The following FHIT variants were observed in gnomAD, a reference collection of about 807,000 sequenced individuals.
The protein encoded by FHIT is fragile histidine triad diadenosine triphosphatase.
Under a neutral mutation model 17.9 loss-of-function variants are expected in FHIT, and 19 were observed. The ratio of observed to expected loss-of-function variants is 1.06; its 90% CI spans 0.74 to 1.56. The LOEUF (loss-of-function observed/expected upper bound fraction) is 1.56, where lower values mean the gene tolerates loss of function less well. Ranked by LOEUF, FHIT falls within the 40% of genes most tolerant of loss-of-function variation. The pLI is 0.00. For synonymous variants in FHIT, 81 were observed against 69.7 expected, an observed-to-expected ratio of 1.16 and a Z score of -0.81; for missense variants, 248 against 189.2, an observed-to-expected ratio of 1.31 and a Z score of -1.82.
chr3:60,640,057 T>C (rs982554775), intron 4 of FHIT, among the ~76,000 whole-genome samples: 2 of 152,128 alleles, frequency 1.3e-5, no homozygotes, highest in Non-Finnish European at 1.5e-5. Flanking sequence ...GTTAATTCAT[T>C]AAAAATCCTA....
At chr3:60,034,489 CAATT>C (rs1559567541) in intron 5 of FHIT, among the ~76,000 whole-genome samples, 1 of 152,170 alleles carries the variant, frequency 6.6e-6, no homozygotes, top group African/African-American at 2.4e-5. Context: ...AATTTCCCAT[CAATT>C]AGAGGGGAAC....
At chr3:60,133,165 G>C (rs1184408177) in intron 5 of FHIT, among the ~76,000 whole-genome samples, 1 of 152,088 alleles carries the variant, frequency 6.6e-6, no homozygotes, top group Non-Finnish European at 1.5e-5. Flanking sequence ...AGGCTGGACA[G>C]TGAAGACATG....
intron 5 of FHIT, among the ~76,000 whole-genome samples, chr3:60,374,238 T>C (rs960270409): frequency 1.3e-5 from 2 of 152,284 alleles, no homozygotes; most frequent in African/African-American, 4.8e-5. Context: ...AATTCTTTCC[T>C]GATCATTTTA....
chr3:60,185,005 T>C (rs935168034), intron 5 of FHIT, among the ~76,000 whole-genome samples: 1 of 152,178 alleles, frequency 6.6e-6, no homozygotes, highest in Non-Finnish European at 1.5e-5. Flanking sequence ...GTCTTACTTC[T>C]TGGCACTATA....
intron 3 of FHIT, among the ~76,000 whole-genome samples, chr3:60,932,699 C>A (rs1412426552): frequency 3.3e-5 from 5 of 152,158 alleles, no homozygotes; most frequent in African/African-American, 9.7e-5. Context: ...AGTTGCTTCA[C>A]CATCTTTTTT....
chr3:59,923,401 A>T (rs986622982), intron 7 of FHIT, among the ~76,000 whole-genome samples: 1 of 152,106 alleles, frequency 6.6e-6, no homozygotes, highest in African/African-American at 2.4e-5. Context: ...ACATGCACTG[A>T]TTCTGCGAAC....
At chr3:59,757,130 G>A (rs1296222940) in intron 8 of FHIT, among the ~76,000 whole-genome samples, 1 of 152,112 alleles carries the variant, frequency 6.6e-6, no homozygotes, top group East Asian at 1.9e-4. Flanking sequence ...TTACATACTG[G>A]TTTCCTTCTG....
chr3:61,062,059 A>G (rs1215572239), intron 2 of FHIT, among the ~76,000 whole-genome samples: 3 of 152,184 alleles, frequency 2.0e-5, no homozygotes, highest in African/African-American at 7.2e-5. Flanking sequence ...AATACTATAT[A>G]TAATACTATA....
chr3:60,857,569 G>T (rs1553750295), intron 3 of FHIT, among the ~76,000 whole-genome samples: 51 of 152,026 alleles, frequency 3.4e-4, no homozygotes, highest in African/African-American at 1.2e-3. Flanking sequence ...TTGCCACAGA[G>T]TTAGCATGCA....
intron 2 of FHIT, among the ~76,000 whole-genome samples, chr3:61,157,934 G>T (rs2037578738): frequency 6.6e-6 from 1 of 152,152 alleles, no homozygotes; most frequent in Non-Finnish European, 1.5e-5. Context: ...GCACAAATTT[G>T]TAAGTTATTG....
intron 3 of FHIT, among the ~76,000 whole-genome samples, chr3:60,959,866 TCA>T (rs1323657661): frequency 6.6e-6 from 1 of 151,686 alleles, no homozygotes; most frequent in African/African-American, 2.4e-5. Flanking sequence ...AGGGCAATTT[TCA>T]TTCTCATTTC....
chr3:61,214,774 C>A (rs969284759), intron 1 of FHIT, among the ~76,000 whole-genome samples: 2 of 152,326 alleles, frequency 1.3e-5, no homozygotes, highest in East Asian at 1.9e-4. Flanking sequence ...TACTGGCAAA[C>A]CGAATCCAGC....
intron 5 of FHIT, among the ~76,000 whole-genome samples, chr3:60,174,579 A>T (rs963614211): frequency 4.0e-5 from 6 of 151,852 alleles, no homozygotes; most frequent in African/African-American, 1.4e-4. Context: ...CCAAAATCAC[A>T]TGGCTAATGA....
chr3:60,859,771 C>A (rs183909023), intron 3 of FHIT, among the ~76,000 whole-genome samples: 1 of 85,040 alleles, frequency 1.2e-5, no homozygotes, highest in Non-Finnish European at 2.2e-5. Flanking sequence ...TTGCCGAGCA[C>A]GGTGGCTCAT....
intron 7 of FHIT, among the ~76,000 whole-genome samples, chr3:59,972,424 G>T (rs1037209115): frequency 5.3e-5 from 8 of 152,024 alleles, no homozygotes; most frequent in Non-Finnish European, 1.2e-4. Context: ...TGGCTGGGAA[G>T]GTATCCTTGG....
chr3:60,066,333 C>T (rs942489050), intron 5 of FHIT, among the ~76,000 whole-genome samples: 1 of 152,182 alleles, frequency 6.6e-6, no homozygotes, highest in Non-Finnish European at 1.5e-5. Context: ...TTCCCATTCC[C>T]AGGCTGGTCC....
intron 8 of FHIT, among the ~76,000 whole-genome samples, chr3:59,874,303 G>A (rs1168797687): frequency 1.3e-5 from 2 of 152,134 alleles, no homozygotes; most frequent in Admixed American, 6.5e-5. Flanking sequence ...CTGTATTCAC[G>A]AAATGCCAAG....
At chr3:60,797,471 A>AGTG (rs1371184051) in intron 4 of FHIT, among the ~76,000 whole-genome samples, 1 of 129,448 alleles carries the variant, frequency 7.7e-6, no homozygotes, top group Non-Finnish European at 1.8e-5. Flanking sequence ...TAGTAGTAGT[A>AGTG]GTAGTAGTAG....
At chr3:60,963,504 T>A (rs564195584) in intron 3 of FHIT, among the ~76,000 whole-genome samples, 1 of 152,346 alleles carries the variant, frequency 6.6e-6, no homozygotes, top group South Asian at 2.1e-4. Context: ...CTTGTCTAGT[T>A]CTTTTAATTG....
Sources: allele counts gnomAD v4.1 joint callset (sites outside exome capture counted in the v4.1 genomes callset), GRCh38; gene constraint gnomAD v4.1.1; transcripts MANE v1.5; gene names NCBI Gene and HGNC (gene_info 2026-07-23, HGNC 2026-07-21).